Variants in GCH1 observed in about 807,000 individuals in gnomAD.
GCH1 encodes the protein GTP cyclohydrolase I.
Under a neutral mutation model 25.9 loss-of-function variants are expected in GCH1, and 5 were observed. That is an observed-to-expected ratio of 0.19 (90% CI 0.10 to 0.41). The LOEUF is 0.41. GCH1 is among the 10% of genes least tolerant of loss of function. GCH1 has a pLI of 1.00. For missense variants in GCH1, 261 were observed against 336.5 expected (o/e 0.78, Z 1.75); for synonymous variants, 159 against 129.6 (o/e 1.23, Z -1.54).
intron 1 of GCH1, among the ~76,000 whole-genome samples, chr14:54,882,990 T>TA (rs1194054853): frequency 6.6e-6 from 1 of 152,142 alleles, no homozygotes; most frequent in Non-Finnish European, 1.5e-5. Flanking sequence ...GGACCCAGGA[T>TA]AAGTCGTTTT....
chr14:54,852,987 CAG>C (rs1177236098), intron 3 of GCH1, among the ~76,000 whole-genome samples: 1 of 152,096 alleles, frequency 6.6e-6, no homozygotes, highest in Non-Finnish European at 1.5e-5. Flanking sequence ...ATTTTTGAGA[CAG>C]AGTTTTTGCT....
Position 54,842,977 on chromosome 14 carries a change from G to A in GCH1, c.*1040C>T. On this transcript the variant is annotated 3_prime_UTR_variant, in exon 6 of 6. Transcript: ENST00000491895. ...TACGATACGCTTTGGTTAAAACGTTGGACACAGCTCATAATGTCTTCCACC... is the reference window on the plus strand; with the variant it reads ...TACGATACGCTTTGGTTAAAACGTTAGACACAGCTCATAATGTCTTCCACC... 1 of 758,896 alleles carries A rather than the reference G, an allele frequency of 1.3e-6. No individual in the cohort carries two copies. The highest frequency in any genetic ancestry group is 1.5e-5 in the South Asian group (1 of 67,546). The allele number at this position is 758,896 out of a possible 1,614,324, so 47.0% of individuals were successfully genotyped here. A position where few individuals can be genotyped will look rare whatever the true frequency, so the allele number is the denominator to read the frequency against.
chr14:54,872,310 C>A (rs2040092189), intron 1 of GCH1, among the ~76,000 whole-genome samples: 1 of 152,100 alleles, frequency 6.6e-6, no homozygotes, highest in Non-Finnish European at 1.5e-5. Context: ...GAGATTTTGT[C>A]ACCACCACGC....
intron 1 of GCH1, among the ~76,000 whole-genome samples, chr14:54,871,315 C>G (rs558002893): frequency 1.0e-3 from 157 of 152,184 alleles, no homozygotes; most frequent in Non-Finnish European, 2.0e-3. Flanking sequence ...AACTAACAAA[C>G]AAAAAAGACA....
intron 1 of GCH1, among the ~76,000 whole-genome samples, chr14:54,880,140 CAA>C (rs58085261): frequency 7.1e-6 from 1 of 141,210 alleles, no homozygotes. Flanking sequence ...GACTCCATCT[CAA>C]AAAAAAAAAG....
intron 1 of GCH1, among the ~76,000 whole-genome samples, chr14:54,881,300 G>C (rs190208164): frequency 6.6e-6 from 1 of 152,136 alleles, no homozygotes; most frequent in East Asian, 1.9e-4. Context: ...CCAGCTTCAC[G>C]CAGTGCTGCA....
chr14:54,885,896 AAAC>A (rs896204366), intron 1 of GCH1: 22 of 190,130 alleles, frequency 1.2e-4, no homozygotes, highest in South Asian at 3.7e-4. Context: ...CTCAAAAAAC[AAAC>A]AACAACAACA....
chr14:54,844,459 G>A (rs1036914699), intron 5 of GCH1, among the ~76,000 whole-genome samples: 2 of 152,148 alleles, frequency 1.3e-5, no homozygotes, highest in Non-Finnish European at 2.9e-5. Flanking sequence ...TTCTTCTGGG[G>A]TGAAAGTAAT....
At chr14:54,881,123 C>T (rs1055754023) in intron 1 of GCH1, among the ~76,000 whole-genome samples, 3 of 151,460 alleles carry the variant, frequency 2.0e-5, no homozygotes, top group African/African-American at 7.3e-5. Context: ...CCGCGCCAGG[C>T]CAATAAAAAT....
chr14:54,866,414 CTA>C (rs929892455), intron 1 of GCH1, among the ~76,000 whole-genome samples: 8 of 151,796 alleles, frequency 5.3e-5, no homozygotes, highest in Non-Finnish European at 1.0e-4. Context: ...AGAAAAGAAG[CTA>C]CAAAGAAATA....
intron 1 of GCH1, among the ~76,000 whole-genome samples, chr14:54,880,381 A>T (rs986713155): frequency 4.9e-5 from 7 of 142,434 alleles, no homozygotes; most frequent in African/African-American, 1.8e-4. Context: ...TTTTATATAT[A>T]ATATAATATA....
chr14:54,875,108 C>G (rs1156525321), intron 1 of GCH1, among the ~76,000 whole-genome samples: 1 of 152,182 alleles, frequency 6.6e-6, no homozygotes, highest in African/African-American at 2.4e-5. Context: ...CAGCATGGTA[C>G]TGGTACCAAA....
intron 1 of GCH1, among the ~76,000 whole-genome samples, chr14:54,870,112 T>C (rs565495983): frequency 6.6e-6 from 1 of 152,270 alleles, no homozygotes; most frequent in East Asian, 1.9e-4. Flanking sequence ...GGTGGCTATA[T>C]AACTGCATAC....
chr14:54,878,218 G>C (rs1447432321), intron 1 of GCH1: 1 of 154,184 alleles, frequency 6.5e-6, no homozygotes, highest in Non-Finnish European at 1.5e-5. Flanking sequence ...GCCGTCTGGA[G>C]TATCTGGTGA....
intron 1 of GCH1, chr14:54,885,569 T>C (rs1334813000): frequency 2.5e-6 from 1 of 392,964 alleles, no homozygotes; most frequent in Non-Finnish European, 4.9e-6. Context: ...GAGGGATGAA[T>C]CCCTGATGTC....
chr14:54,894,402 C>T (rs1023522784), intron 1 of GCH1, among the ~76,000 whole-genome samples: 2 of 152,168 alleles, frequency 1.3e-5, no homozygotes, highest in Non-Finnish European at 2.9e-5. Flanking sequence ...CAGCCTCCCC[C>T]ACTACAGGTT....
intron 1 of GCH1, among the ~76,000 whole-genome samples, chr14:54,880,151 AG>A (rs1412636569): frequency 2.0e-5 from 3 of 150,534 alleles, no homozygotes; most frequent in African/African-American, 7.3e-5. Context: ...AAAAAAAAAA[AG>A]AAAGTTAGGG....
Position 54,902,689 on chromosome 14 carries a change from G to T in GCH1, c.-26C>A. The T allele has an allele frequency of 7.0e-7, 1 of 1,434,234 alleles. No homozygotes were observed. The highest frequency in any genetic ancestry group is 1.4e-5 in the South Asian group (1 of 70,282). 88.8% of individuals were successfully genotyped at this position (1,434,234 alleles called of 1,614,324 possible). A position where few individuals can be genotyped will look rare whatever the true frequency, so the allele number is the denominator to read the frequency against. On this transcript the variant is annotated 5_prime_UTR_variant, in exon 1 of 6. Coordinates refer to ENST00000491895, the MANE Select transcript of GCH1 (RefSeq NM_000161.3). ...GGACCCGCCGCAGCCGCTGCCGTTC[G>T]GGAAGGACCCCGGGGCGCTTCGAGG...
intron 1 of GCH1, among the ~76,000 whole-genome samples, chr14:54,874,057 A>G (rs1168184682): frequency 1.3e-5 from 2 of 152,158 alleles, no homozygotes; most frequent in Admixed American, 6.5e-5. Flanking sequence ...AGAATTTTAG[A>G]CCAATATCCC....
Sources: gnomAD v4.1 joint callset for allele counts (sites outside exome capture counted in the v4.1 genomes callset) on GRCh38, gnomAD v4.1.1 for gene constraint, MANE v1.5 for transcripts, NCBI Gene and HGNC (gene_info 2026-07-23, HGNC 2026-07-21) for gene names.